PLA2G5: variants seen among roughly 807,000 people sequenced by gnomAD.
PLA2G5 encodes the protein phospholipase A2 group V.
A neutral mutation model predicts 15.9 loss-of-function variants in PLA2G5; 12 were observed. The ratio of observed to expected loss-of-function variants is 0.76; its 90% confidence interval spans 0.48 to 1.23. PLA2G5 has a LOEUF of 1.23. Among genes scored for constraint, PLA2G5 ranks in the 50% most tolerant of loss-of-function variants. PLA2G5 has a pLI of 0.00. For synonymous variants in PLA2G5, 71 were observed against 71.4 expected (o/e 0.99, Z 0.03); for missense variants, 169 against 177.1 (o/e 0.95, Z 0.26).
chr1:20,070,252 A>G lies in PLA2G5; in HGVS notation c.-224A>G, dbSNP rs911906243. The stretch of plus-strand genomic sequence containing the variant: ...GTCCAGGCAGAAGTTTTTCCTCCCC[A>G]CCTCCGGGTTTGTCCTCATCATCGG... On this transcript the variant is annotated 5_prime_UTR_variant, in exon 1 of 5. Transcript: ENST00000375108. 119 of 985,144 alleles carry G rather than the reference A, an allele frequency of 1.2e-4. No homozygotes were observed. The highest frequency in any genetic ancestry group is 1.4e-4 in the Non-Finnish European group (113 of 829,982). 61.0% of individuals were successfully genotyped at this position (985,144 alleles called of 1,614,324 possible). A position where few individuals can be genotyped will look rare whatever the true frequency, so the allele number is the denominator to read the frequency against.
At chr1:20,077,436 G>A (rs922005074) in intron 1 of PLA2G5, among the ~76,000 whole-genome samples, 22 of 152,322 alleles carry the variant, frequency 1.4e-4, no homozygotes, top group African/African-American at 5.3e-4. Context: ...TGAGAATGGA[G>A]CTGGAGCCAG....
At chr1:20,029,465 CTT>C (rs2012782426) in intron 1 of PLA2G5, among the ~76,000 whole-genome samples, 1 of 152,204 alleles carries the variant, frequency 6.6e-6, no homozygotes, top group Non-Finnish European at 1.5e-5. Flanking sequence ...ATCTGCTCCT[CTT>C]GACGTGCAGC....
chr1:20,032,103 A>G (rs2012984599), intron 1 of PLA2G5, among the ~76,000 whole-genome samples: 1 of 152,210 alleles, frequency 6.6e-6, no homozygotes, highest in African/African-American at 2.4e-5. Context: ...AGTGAAGTTC[A>G]GGCCATCTTA....
intron 1 of PLA2G5, among the ~76,000 whole-genome samples, chr1:20,051,974 A>G (rs370773204): frequency 1.3e-5 from 2 of 152,198 alleles, no homozygotes; most frequent in African/African-American, 2.4e-5. Flanking sequence ...GATTCCTTCT[A>G]TGGAACAAAG....
At chr1:20,064,582 GAA>G (rs542726449) in intron 2 of PLA2G5, among the ~76,000 whole-genome samples, 4 of 124,752 alleles carry the variant, frequency 3.2e-5, no homozygotes, top group Non-Finnish European at 5.2e-5. Context: ...CTCAAAAAAG[GAA>G]AAAAAAAAAA....
At chr1:20,080,187 G>A (rs1192793321) in intron 1 of PLA2G5, among the ~76,000 whole-genome samples, 3 of 152,116 alleles carry the variant, frequency 2.0e-5, no homozygotes, top group Admixed American at 6.5e-5. Context: ...TGCCCTGGAG[G>A]GGGATTCCAG....
chr1:20,032,597 A>C (rs934037239), intron 1 of PLA2G5, among the ~76,000 whole-genome samples: 1 of 152,158 alleles, frequency 6.6e-6, no homozygotes, highest in Non-Finnish European at 1.5e-5. Flanking sequence ...TGAGATTGGC[A>C]GTCATGGCAG....
upstream of PLA2G5, among the ~76,000 whole-genome samples, chr1:20,069,509 A>C (rs897957099): frequency 1.3e-5 from 2 of 152,024 alleles, no homozygotes; most frequent in Non-Finnish European, 2.9e-5. Context: ...CCCTTTCCAC[A>C]AAAAATACAA....
intron 1 of PLA2G5, among the ~76,000 whole-genome samples, chr1:20,081,683 G>C (rs988636932): frequency 6.6e-6 from 1 of 151,782 alleles, no homozygotes; most frequent in African/African-American, 2.4e-5. Flanking sequence ...TGAGAGTGAG[G>C]GAAAGGTGGC....
chr1:20,064,800 T>C (rs1569741664), intron 2 of PLA2G5, among the ~76,000 whole-genome samples: 1 of 152,064 alleles, frequency 6.6e-6, no homozygotes, highest in South Asian at 2.1e-4. Flanking sequence ...TTTGTCTGCT[T>C]GTAGGTCCTG....
intron 1 of PLA2G5, chr1:20,077,004 G>A (rs1425529266): frequency 6.6e-6 from 1 of 152,264 alleles, no homozygotes; most frequent in Non-Finnish European, 1.5e-5. Context: ...GGCTACCCTT[G>A]GCAGGGCTTT....
chr1:20,086,901 G>C (rs2016321471), intron 3 of PLA2G5, among the ~76,000 whole-genome samples: 1 of 152,204 alleles, frequency 6.6e-6, no homozygotes, highest in South Asian at 2.1e-4. Context: ...TCCTTGGAAA[G>C]CATACCCAAC....
chr1:20,029,687 C>G (rs1161670444), intron 1 of PLA2G5, among the ~76,000 whole-genome samples: 1 of 152,204 alleles, frequency 6.6e-6, no homozygotes, highest in East Asian at 1.9e-4. Flanking sequence ...GGACCACACT[C>G]TTCCCTTCCC....
intron 1 of PLA2G5, chr1:20,076,971 T>A (rs920497311): frequency 6.6e-6 from 1 of 152,212 alleles, no homozygotes; most frequent in East Asian, 1.9e-4. Context: ...GTTCTCAGGG[T>A]GAGGGAGTTT....
At chr1:20,072,953 G>A (rs921494874) in intron 1 of PLA2G5, among the ~76,000 whole-genome samples, 1 of 152,166 alleles carries the variant, frequency 6.6e-6, no homozygotes. Flanking sequence ...AGTGCCTAAC[G>A]GGACCTCTGC....
At chr1:20,065,443 C>A (rs570022956), upstream of PLA2G5, among the ~76,000 whole-genome samples, 1 of 152,312 alleles carries the variant, frequency 6.6e-6, no homozygotes, top group East Asian at 1.9e-4. Flanking sequence ...CCTCCCAAAC[C>A]CCTGGCAACC....
At chr1:20,037,979 G>T (rs1433512711) in intron 1 of PLA2G5, among the ~76,000 whole-genome samples, 1 of 152,094 alleles carries the variant, frequency 6.6e-6, no homozygotes, top group Non-Finnish European at 1.5e-5. Flanking sequence ...TAGGTTCCCA[G>T]GGGGATTATG....
At chr1:20,068,924 A>C, upstream of PLA2G5, 1 of 1,289,162 alleles carries the variant, frequency 7.8e-7, no homozygotes, top group Non-Finnish European at 1.0e-6. Flanking sequence ...TCCTTCTCCA[A>C]CACAGCAGAG....
At chr1:20,048,632 A>C (rs760770849) in intron 1 of PLA2G5, among the ~76,000 whole-genome samples, 8 of 152,174 alleles carry the variant, frequency 5.3e-5, no homozygotes, top group African/African-American at 7.2e-5. Context: ...AGTTCCTCCA[A>C]AAGTTAGTTT....
Sources: gnomAD v4.1 joint callset for allele counts (sites outside exome capture counted in the v4.1 genomes callset) on GRCh38, gnomAD v4.1.1 for gene constraint, MANE v1.5 for transcripts, NCBI Gene and HGNC (gene_info 2026-07-23, HGNC 2026-07-21) for gene names.